The following EYS variants were observed in gnomAD, a reference collection of about 807,000 sequenced individuals.
EYS encodes the protein EGF-like photoreceptor maintenance factor, also known as protein eyes shut homolog.
Under a neutral mutation model 282.1 loss-of-function variants are expected in EYS, and 250 were observed. The observed-to-expected ratio is 0.89, with a 90% CI of 0.80 to 0.98. EYS has a LOEUF of 0.98. EYS is among the 50% of genes least tolerant of loss of function. EYS has a pLI of 0.00. For synonymous variants in EYS, 1,355 were observed against 1,282.9 expected (o/e 1.06, Z -1.20); for missense variants, 4,016 against 3,709.0 (o/e 1.08, Z -2.15).
intron 5 of EYS, among the ~76,000 whole-genome samples, chr6:65,414,349 A>G (rs1295118346): frequency 6.6e-6 from 1 of 152,164 alleles, no homozygotes; most frequent in Admixed American, 6.6e-5. Flanking sequence ...ATGATTTCAC[A>G]TTTTCAAAAT....
At chr6:64,126,011 G>A (rs1773774605) in intron 31 of EYS, among the ~76,000 whole-genome samples, 1 of 151,856 alleles carries the variant, frequency 6.6e-6, no homozygotes, top group African/African-American at 2.4e-5. Flanking sequence ...TTGCACAACA[G>A]GTGCTGGAGA....
intron 12 of EYS, among the ~76,000 whole-genome samples, chr6:65,256,352 C>T (rs1457102865): frequency 1.5e-5 from 2 of 137,434 alleles, no homozygotes; most frequent in African/African-American, 5.8e-5. Context: ...ATGTGCCATG[C>T]TGGTGTGCTG....
chr6:65,507,802 C>T (rs1409864441), intron 2 of EYS, among the ~76,000 whole-genome samples: 2 of 152,008 alleles, frequency 1.3e-5, no homozygotes, highest in African/African-American at 2.4e-5. Context: ...TTCTTAGAGT[C>T]TCCATCTCCC....
intron 30 of EYS, among the ~76,000 whole-genome samples, chr6:64,273,316 T>C (rs1158986819): frequency 6.6e-6 from 1 of 152,234 alleles, no homozygotes; most frequent in Non-Finnish European, 1.5e-5. Context: ...TTCTATTTTC[T>C]GATCGACTTC....
At chr6:64,295,058 T>C (rs1292874683) in intron 30 of EYS, among the ~76,000 whole-genome samples, 3 of 151,922 alleles carry the variant, frequency 2.0e-5, no homozygotes, top group East Asian at 2.0e-4. Context: ...TCTTGGGTTA[T>C]TGGGTAGACA....
chr6:64,375,636 C>A (rs1561958504), intron 29 of EYS, among the ~76,000 whole-genome samples: 1 of 152,018 alleles, frequency 6.6e-6, no homozygotes, highest in East Asian at 1.9e-4. Context: ...GCTGAAGAGC[C>A]AAATTGACTC....
Position 63,740,849 on chromosome 6 carries a change from G to A in EYS, c.8072-14169C>T, listed in dbSNP as rs539720225. ...TAGGACTTCACAGAAACCACAAATA[G>A]GATTCAAAGGACTCTGATTTAGTAA... On this transcript the variant is annotated intron_variant, in intron 41 of 42. Coordinates refer to ENST00000503581, the MANE Select transcript of EYS (RefSeq NM_001142800.2). Among the ~76,000 whole-genome samples the A allele has an allele frequency of 2.6e-5, 4 of 152,246 alleles. No homozygotes were observed. In the South Asian group the frequency reaches 8.3e-4, roughly 32 times the overall value.
At chr6:65,500,084 C>CA (rs1486906067) in intron 2 of EYS, among the ~76,000 whole-genome samples, 3 of 152,020 alleles carry the variant, frequency 2.0e-5, no homozygotes, top group African/African-American at 7.2e-5. Context: ...CTCACACAAT[C>CA]AATAAGCAGT....
chr6:64,194,955 A>G (rs1364187092), intron 31 of EYS, among the ~76,000 whole-genome samples: 2 of 152,182 alleles, frequency 1.3e-5, no homozygotes, highest in Non-Finnish European at 2.9e-5. Flanking sequence ...TAACTCGTGT[A>G]ACAACACAAT....
chr6:64,057,348 A>T (rs1220944830), intron 33 of EYS, among the ~76,000 whole-genome samples: 1 of 151,518 alleles, frequency 6.6e-6, no homozygotes, highest in Non-Finnish European at 1.5e-5. Context: ...AATCTGGCAT[A>T]GCTTCCTTTA....
chr6:64,479,857 G>A (rs1776384354), intron 26 of EYS, among the ~76,000 whole-genome samples: 1 of 151,770 alleles, frequency 6.6e-6, no homozygotes, highest in Non-Finnish European at 1.5e-5. Context: ...TTCTTATATT[G>A]CACAAAGTGA....
intron 32 of EYS, among the ~76,000 whole-genome samples, chr6:64,072,948 C>T (rs1272409276): frequency 6.6e-6 from 1 of 151,802 alleles, no homozygotes. Context: ...TAAAGATTGA[C>T]TATACACATT....
chr6:65,641,647 T>A (rs1231636343), intron 1 of EYS, among the ~76,000 whole-genome samples: 1 of 152,258 alleles, frequency 6.6e-6, no homozygotes, highest in Non-Finnish European at 1.5e-5. Flanking sequence ...TACTGCGTAC[T>A]GTTTTACTGC....
At chr6:64,522,242 G>A (rs1777767614) in intron 26 of EYS, among the ~76,000 whole-genome samples, 1 of 151,678 alleles carries the variant, frequency 6.6e-6, no homozygotes, top group African/African-American at 2.4e-5. Context: ...TTGAAACATA[G>A]TTTCATTTTA....
chr6:65,520,182 T>C (rs1767313075), intron 2 of EYS, among the ~76,000 whole-genome samples: 1 of 152,090 alleles, frequency 6.6e-6, no homozygotes. Flanking sequence ...AGAATTCCAT[T>C]ATAATTTGAA....
chr6:64,161,343 A>T (rs1462368545), intron 31 of EYS, among the ~76,000 whole-genome samples: 2 of 152,202 alleles, frequency 1.3e-5, no homozygotes, highest in Non-Finnish European at 2.9e-5. Context: ...ACCAGCAGTT[A>T]GGGCATGCCA....
In EYS at chr6:64,123,109, A is replaced by G. The variant is rs1185325123; in HGVS notation, c.6425-41107T>C. On this transcript the variant is annotated intron_variant, in intron 31 of 42. Transcript: ENST00000503581. ...GCATATGCTTTTTGAAGCTGAAGAG[A>G]TATCTGAGCTCTGATGCAAACCAGC... Among the ~76,000 whole-genome samples, 6 of 152,288 alleles carry G rather than the reference A, an allele frequency of 3.9e-5. No homozygotes were observed. The East Asian group carries it at 1.2e-3, about 29-fold the overall frequency.
chr6:65,288,213 G>A (rs975176610), intron 12 of EYS, among the ~76,000 whole-genome samples: 12 of 150,830 alleles, frequency 8.0e-5, no homozygotes, highest in African/African-American at 2.4e-4. Flanking sequence ...ACAAACTTAT[G>A]TCTGAGGGAC....
In EYS at chr6:63,720,639, C is replaced by G. The variant is rs772888249; in HGVS notation, c.9392G>C (p.Gly3131Ala). The G allele has an allele frequency of 4.6e-5, 70 of 1,521,294 alleles. No homozygotes were observed. The highest frequency in any genetic ancestry group is 3.4e-4 in the Middle Eastern group (2 of 5,818). 94.2% of individuals were successfully genotyped at this position (1,521,294 alleles called of 1,614,324 possible). Reference protein sequence around the residue: ...PKNIELIKLEGYNVYDGDEQN... With the variant: ...PKNIELIKLEAYNVYDGDEQN... ...TTCATCTCCATCATAAACATTGTAT[C>G]CTTCTAATTTAATTAGTTCAATGTT... Residue 3131 changes from glycine to alanine, a missense_variant, in exon 43 of 43, where the codon GGA becomes GCA. Coordinates refer to ENST00000503581, the MANE Select transcript of EYS (RefSeq NM_001142800.2).
Sources: allele counts gnomAD v4.1 joint callset (sites outside exome capture counted in the v4.1 genomes callset), GRCh38; gene constraint gnomAD v4.1.1; transcripts MANE v1.5; gene names NCBI Gene and HGNC (gene_info 2026-07-23, HGNC 2026-07-21).